HOXC5: variants seen among roughly 807,000 people sequenced by gnomAD.
The protein encoded by HOXC5 is homeobox protein Hox-C5.
In HOXC5, 19 loss-of-function variants were observed where a neutral mutation model predicts 20.1. The observed-to-expected ratio is 0.94, with a 90% CI of 0.66 to 1.38. HOXC5 has a LOEUF of 1.38. Ranked by LOEUF, HOXC5 falls within the 40% of genes most tolerant of loss-of-function variation. HOXC5 has a pLI of 0.00. For synonymous variants in HOXC5, 124 were observed against 117.0 expected, an observed-to-expected ratio of 1.06 and a Z score of -0.39; for missense variants, 330 against 300.1, an observed-to-expected ratio of 1.10 and a Z score of -0.74.
upstream of HOXC5, chr12:54,030,527 G>A (rs1283413964): frequency 1.3e-5 from 2 of 152,666 alleles, no homozygotes; most frequent in Non-Finnish European, 2.9e-5. Flanking sequence ...GAATCCTGGG[G>A]GTCATTATGG....
the HOXC5 span, among the ~76,000 whole-genome samples, chr12:54,026,434 C>G: frequency 2.0e-5 from 3 of 152,200 alleles, no homozygotes; most frequent in Admixed American, 6.5e-5. Flanking sequence ...CCTGCCAAGT[C>G]ACCCCAAAAA....
At chr12:54,021,418 A>G in the HOXC5 span, 4 of 152,406 alleles carry the variant, frequency 2.6e-5, no homozygotes, top group South Asian at 2.1e-4. Flanking sequence ...AGCACTGAGT[A>G]TGGGCTACCA....
the HOXC5 span, chr12:54,022,560 T>A: frequency 6.6e-6 from 1 of 152,188 alleles, no homozygotes. Flanking sequence ...TTCTTTCAGA[T>A]CTGCAAACAA....
chr12:54,017,923 G>A, the HOXC5 span, among the ~76,000 whole-genome samples: 2 of 152,096 alleles, frequency 1.3e-5, no homozygotes, highest in African/African-American at 4.8e-5. Flanking sequence ...CCCTCCCAGA[G>A]AGCGCGACTG....
the HOXC5 span, among the ~76,000 whole-genome samples, chr12:54,019,178 C>A: frequency 2.0e-3 from 268 of 132,002 alleles, no homozygotes; most frequent in Middle Eastern, 7.5e-3. Context: ...CCCTCCCCCA[C>A]CCCCCCACCC....
Position 54,033,135 on chromosome 12 carries a change from G to A in HOXC5, c.13G>A (p.Val5Ile). Residue 5 changes from valine (V) to isoleucine (I), a missense_variant, in exon 1 of 2, where the codon GTA becomes ATA. Coordinates refer to ENST00000312492, the MANE Select transcript of HOXC5 (RefSeq NM_018953.4). MSSY[V>I]ANSFYKQSPN... ...GGCCCTCCCCGCCATGAGCTCCTACGTAGCCAATTCATTCTATAAGCAGAG... is the reference window on the plus strand; with the variant it reads ...GGCCCTCCCCGCCATGAGCTCCTACATAGCCAATTCATTCTATAAGCAGAG... The A allele has an allele frequency of 6.2e-7, 1 of 1,607,650 alleles. No individual in the cohort carries two copies. Among genetic ancestry groups the A allele is most frequent in the East Asian group, 2.2e-5 (1 of 44,654 alleles).
chr12:54,019,359 G>A, the HOXC5 span, among the ~76,000 whole-genome samples: 1 of 152,176 alleles, frequency 6.6e-6, no homozygotes. Context: ...CTGATGCCCC[G>A]CGGATCCAGC....
intron 1 of HOXC5, 86 bp downstream of exon 1, chr12:54,033,662 G>C (rs985817252): frequency 2.0e-5 from 25 of 1,219,796 alleles, no homozygotes; most frequent in Non-Finnish European, 2.8e-5. Context: ...AAAACCTGCG[G>C]CCATAAATTT....
upstream of HOXC5, chr12:54,030,677 A>T (rs1457912224): frequency 6.5e-6 from 1 of 152,680 alleles, no homozygotes; most frequent in African/African-American, 2.4e-5. Flanking sequence ...TTACAAAAAG[A>T]GAGAAAAAAA....
chr12:54,029,983 C>A, upstream of HOXC5: 1 of 1,505,288 alleles, frequency 6.6e-7, no homozygotes, highest in South Asian at 1.3e-5. Flanking sequence ...CCCTGCCACC[C>A]CTCTCTCCCT....
intron 1 of HOXC5, 145 bp from the exon 2 acceptor site, chr12:54,034,133 G>T: frequency 2.5e-6 from 2 of 804,394 alleles, no homozygotes; most frequent in South Asian, 1.4e-5. Context: ...GGCTGGGCTG[G>T]CCCGCCTGCG....
chr12:54,029,112 C>T (rs1940867283), upstream of HOXC5, among the ~76,000 whole-genome samples: 1 of 152,052 alleles, frequency 6.6e-6, no homozygotes, highest in Non-Finnish European at 1.5e-5. Context: ...GGCCTGGCCC[C>T]CTTGGCCCCT....
At chr12:54,018,177 G>C in the HOXC5 span, among the ~76,000 whole-genome samples, 1 of 152,228 alleles carries the variant, frequency 6.6e-6, no homozygotes, top group Non-Finnish European at 1.5e-5. Context: ...GGTGGGGGAT[G>C]CTGTACTCAA....
the HOXC5 span, among the ~76,000 whole-genome samples, chr12:54,023,130 G>C: frequency 6.6e-6 from 1 of 152,112 alleles, no homozygotes; most frequent in African/African-American, 2.4e-5. Flanking sequence ...CTCTCCCCAA[G>C]CCCCCTCCTC....
At chr12:54,032,946 G>A, upstream of HOXC5, 1 of 568,180 alleles carries the variant, frequency 1.8e-6, no homozygotes, top group Non-Finnish European at 3.0e-6. Context: ...GTGGCCGCTC[G>A]AGTCACGTGA....
At chr12:54,032,915 GTCA>G (rs566968197), upstream of HOXC5, 96 of 519,866 alleles carry the variant, frequency 1.8e-4, 1 homozygote, top group South Asian at 2.0e-3. Context: ...CCTCCCGGAG[GTCA>G]TCAAGCCAAA....
upstream of HOXC5, chr12:54,028,505 C>A: frequency 6.2e-7 from 1 of 1,608,856 alleles, no homozygotes; most frequent in Non-Finnish European, 8.5e-7. Context: ...ATAGACCGAC[C>A]AGGTAAAGGC....
the HOXC5 span, among the ~76,000 whole-genome samples, chr12:54,018,947 G>C: frequency 5.9e-5 from 9 of 152,174 alleles, no homozygotes; most frequent in Admixed American, 3.9e-4. Context: ...TCGCCTGTGG[G>C]GGGGCGGGGA....
upstream of HOXC5, chr12:54,029,872 C>G (rs1378942180): frequency 4.3e-6 from 7 of 1,612,848 alleles, no homozygotes; most frequent in Non-Finnish European, 5.9e-6. Context: ...CATCCACTCT[C>G]TCGGGGGGCG....
Sources: gnomAD v4.1 joint callset for allele counts (sites outside exome capture counted in the v4.1 genomes callset) on GRCh38, gnomAD v4.1.1 for gene constraint, MANE v1.5 for transcripts, NCBI Gene and HGNC (gene_info 2026-07-23, HGNC 2026-07-21) for gene names.